SLIT3: variants seen among roughly 807,000 people sequenced by gnomAD.
SLIT3 encodes the protein slit guidance ligand 3, also known as slit homolog 3 protein.
Under a neutral mutation model 184.0 loss-of-function variants are expected in SLIT3, and 68 were observed. That is an observed-to-expected ratio of 0.37 (90% CI 0.30 to 0.45). The LOEUF is 0.45. Ranked by LOEUF, SLIT3 falls within the 20% of genes least tolerant of loss-of-function variation. SLIT3 has a pLI of 1.00. For missense variants in SLIT3, 1,707 were observed against 2,026.0 expected, an observed-to-expected ratio of 0.84 and a Z score of 3.02; for synonymous variants, 831 against 828.6, an observed-to-expected ratio of 1.00 and a Z score of -0.05.
Position 168,823,278 on chromosome 5 carries a change from A to C in SLIT3, c.611T>G (p.Met204Arg). ...SRILVTSFNH[M>R]PKIRTLRLHS... ...TACTCACAGAGTTCGGATCTTCGGC[A>C]TGTGGTTGAAGCTGGTGACCAGGAT... The change falls in exon 7 of 36, where the codon ATG becomes AGG. Residue 204 changes from methionine (M) to arginine (R), a missense_variant. Physicochemically the swap from Met to Arg is moderately conservative, Grantham distance 91. Transcript: ENST00000519560. 1 of 1,614,038 alleles carries C rather than the reference A, an allele frequency of 6.2e-7. No homozygotes were observed. Among genetic ancestry groups the C allele is most frequent in the Non-Finnish European group, 8.5e-7 (1 of 1,179,898 alleles).
chr5:168,766,148 A>G lies in SLIT3; in HGVS notation c.1460-3459T>C, dbSNP rs147576910. On this transcript the variant is annotated intron_variant, in intron 14 of 35. Transcript: ENST00000519560. ...CTGCCATCAACGGTATGCATTTTGT[A>G]TCATCCTTTGGGCAGCCAGTTTGCT... is the stretch of plus-strand genomic sequence containing the variant. Among the ~76,000 whole-genome samples the G allele has an allele frequency of 2.6e-3, 391 of 152,284 alleles. 4 individuals are homozygous for G. Among genetic ancestry groups the G allele is most frequent in the African/African-American group, 8.9e-3 (368 of 41,560 alleles).
intron 4 of SLIT3, among the ~76,000 whole-genome samples, chr5:168,903,099 T>C (rs1041016352): frequency 6.6e-6 from 1 of 152,234 alleles, no homozygotes; most frequent in Non-Finnish European, 1.5e-5. Context: ...AGGTTTTCCT[T>C]GTGCTGATTT....
intron 35 of SLIT3, 114 bp downstream of exon 35, chr5:168,669,669 A>T (rs1761173946): frequency 1.2e-6 from 1 of 810,970 alleles, no homozygotes; most frequent in Admixed American, 2.1e-5. Context: ...AAGTGACTGA[A>T]CCAAGGTCAT....
intron 4 of SLIT3, among the ~76,000 whole-genome samples, chr5:168,908,710 G>T (rs574246812): frequency 1.3e-5 from 2 of 152,288 alleles, no homozygotes; most frequent in African/African-American, 4.8e-5. Flanking sequence ...AGCAAGCAGG[G>T]TTCATTACAG....
intron 4 of SLIT3, among the ~76,000 whole-genome samples, chr5:169,129,309 T>C (rs1375871997): frequency 6.6e-6 from 1 of 152,176 alleles, no homozygotes; most frequent in Non-Finnish European, 1.5e-5. Flanking sequence ...CCCAGCACTT[T>C]GGGAGGCCAA....
At chr5:169,118,553 C>T (rs1451902005) in intron 4 of SLIT3, among the ~76,000 whole-genome samples, 1 of 152,138 alleles carries the variant, frequency 6.6e-6, no homozygotes, top group Non-Finnish European at 1.5e-5. Flanking sequence ...GAGTCAAGAC[C>T]CATTGTTAAC....
chr5:169,218,382 G>A (rs1764515130), intron 3 of SLIT3, among the ~76,000 whole-genome samples: 1 of 152,188 alleles, frequency 6.6e-6, no homozygotes, highest in Non-Finnish European at 1.5e-5. Context: ...CTAGTTGAGA[G>A]CCTTGTGACT....
At chr5:168,809,560 C>A (rs367821181) in intron 8 of SLIT3, among the ~76,000 whole-genome samples, 1 of 152,148 alleles carries the variant, frequency 6.6e-6, no homozygotes, top group Non-Finnish European at 1.5e-5. Flanking sequence ...CAAGCCCATT[C>A]CCTGTGGGCC....
intron 16 of SLIT3, among the ~76,000 whole-genome samples, chr5:168,757,579 G>A (rs926138153): frequency 3.9e-5 from 6 of 152,118 alleles, no homozygotes; most frequent in Non-Finnish European, 7.3e-5. Context: ...CACTACAGGC[G>A]CCTGCCATTG....
At chr5:169,015,407 C>G (rs1756325281) in intron 4 of SLIT3, among the ~76,000 whole-genome samples, 1 of 152,160 alleles carries the variant, frequency 6.6e-6, no homozygotes. Flanking sequence ...AGCCACTCAG[C>G]AATGATGTTC....
At chr5:168,810,620 C>A (rs192021184) in intron 8 of SLIT3, among the ~76,000 whole-genome samples, 35 of 152,318 alleles carry the variant, frequency 2.3e-4, no homozygotes, top group African/African-American at 7.5e-4. Context: ...GGGACTTGGT[C>A]ACCACTTCGG....
intron 4 of SLIT3, among the ~76,000 whole-genome samples, chr5:168,894,115 T>G (rs969164511): frequency 2.0e-5 from 3 of 152,142 alleles, no homozygotes; most frequent in African/African-American, 7.2e-5. Flanking sequence ...CTTTTTTAAC[T>G]CAGTAACTTG....
chr5:168,670,075 C>A (rs1017632327), intron 34 of SLIT3, 84 bp from the exon 35 acceptor site: 1 of 1,166,544 alleles, frequency 8.6e-7, no homozygotes, highest in Non-Finnish European at 1.3e-6. Flanking sequence ...AGCCAGGGAC[C>A]AGGGGACCCG....
At chr5:169,229,467 A>G (rs1764919733) in intron 3 of SLIT3, among the ~76,000 whole-genome samples, 1 of 152,234 alleles carries the variant, frequency 6.6e-6, no homozygotes, top group Non-Finnish European at 1.5e-5. Context: ...CCTATCAGAC[A>G]TAAAAGACTA....
intron 29 of SLIT3, among the ~76,000 whole-genome samples, chr5:168,691,902 G>A (rs1240943594): frequency 6.6e-6 from 1 of 152,210 alleles, no homozygotes; most frequent in Admixed American, 6.5e-5. Flanking sequence ...TTTCATGAAG[G>A]AAGGTGAAAG....
chr5:168,999,238 G>C (rs1755619426), intron 4 of SLIT3, among the ~76,000 whole-genome samples: 1 of 152,086 alleles, frequency 6.6e-6, no homozygotes. Flanking sequence ...CCAAGTATGA[G>C]AGCCTCTGGT....
At chr5:169,141,436 G>T (rs200617483) in intron 4 of SLIT3, among the ~76,000 whole-genome samples, 2,519 of 144,648 alleles carry the variant, frequency 0.017, 76 homozygotes, top group African/African-American at 0.057. Flanking sequence ...TTTTTTTTTT[G>T]TTTTTTGATA....
At chr5:168,803,494 C>T (rs1163009520) in intron 9 of SLIT3, among the ~76,000 whole-genome samples, 2 of 152,218 alleles carry the variant, frequency 1.3e-5, no homozygotes, top group African/African-American at 4.8e-5. Flanking sequence ...CTGGCCTGCA[C>T]AGAGCCCACC....
At chr5:169,289,376 CA>C (rs1418431553) in intron 1 of SLIT3, among the ~76,000 whole-genome samples, 1 of 152,190 alleles carries the variant, frequency 6.6e-6, no homozygotes, top group Non-Finnish European at 1.5e-5. Context: ...CATTATTGAA[CA>C]GGACAGCTCT....
Sources: gnomAD v4.1 joint callset for allele counts (sites outside exome capture counted in the v4.1 genomes callset) on GRCh38, gnomAD v4.1.1 for gene constraint, MANE v1.5 for transcripts, NCBI Gene and HGNC (gene_info 2026-07-23, HGNC 2026-07-21) for gene names.